The following RABGEF1 variants were observed in gnomAD, a reference collection of about 807,000 sequenced individuals.
RABGEF1 encodes rab5 GDP/GTP exchange factor.
In RABGEF1, 26 loss-of-function variants were observed where a neutral mutation model predicts 57.3. The ratio of observed to expected loss-of-function variants is 0.45; its 90% CI spans 0.33 to 0.63. RABGEF1 has a LOEUF of 0.63. Among genes scored for constraint, RABGEF1 ranks in the 20% least tolerant of loss-of-function variants. RABGEF1 has a pLI of 0.02. For synonymous variants in RABGEF1, 185 were observed against 210.7 expected (o/e 0.88, Z 1.06); for missense variants, 464 against 607.6 (o/e 0.76, Z 2.48).
chr7:66,788,791 T>TA (rs1266349824), intron 4 of RABGEF1, among the ~76,000 whole-genome samples: 3 of 151,910 alleles, frequency 2.0e-5, no homozygotes, highest in Non-Finnish European at 4.4e-5. Context: ...CCGTCTCTAC[T>TA]AAAAATACAA....
At chr7:66,714,185 A>G (rs1795096832) in intron 2 of RABGEF1, among the ~76,000 whole-genome samples, 1 of 152,238 alleles carries the variant, frequency 6.6e-6, no homozygotes, top group East Asian at 1.9e-4. Context: ...TGGAGAAATT[A>G]TCTAGGCCTT....
chr7:66,793,035 TG>T (rs1396996669), intron 4 of RABGEF1, among the ~76,000 whole-genome samples: 1 of 152,206 alleles, frequency 6.6e-6, no homozygotes, highest in Non-Finnish European at 1.5e-5. Flanking sequence ...GGCATTGTAT[TG>T]TAAAATTACA....
At chr7:66,796,954 G>GT in intron 5 of RABGEF1, 1 of 425,774 alleles carries the variant, frequency 2.3e-6, no homozygotes, top group Non-Finnish European at 4.6e-6. Flanking sequence ...TTCTGAGTGT[G>GT]TTTAATTTAT....
At chr7:66,738,566 CA>C (rs546180836), upstream of RABGEF1, among the ~76,000 whole-genome samples, 1 of 151,530 alleles carries the variant, frequency 6.6e-6, no homozygotes. Flanking sequence ...CTTGTCTCTA[CA>C]AAAAAACCCC....
At chr7:66,703,279 A>G (rs1793561915) in intron 1 of RABGEF1, among the ~76,000 whole-genome samples, 1 of 152,010 alleles carries the variant, frequency 6.6e-6, no homozygotes, top group African/African-American at 2.4e-5. Flanking sequence ...GCCTGTATGT[A>G]AGTTTTTTAT....
At chr7:66,759,952 A>C (rs1379240042) in intron 1 of RABGEF1, among the ~76,000 whole-genome samples, 2 of 152,218 alleles carry the variant, frequency 1.3e-5, no homozygotes, top group African/African-American at 4.8e-5. Flanking sequence ...ACCATAAATC[A>C]TACAGTTTGC....
At chr7:66,720,203 T>A (rs969120978) in intron 2 of RABGEF1, among the ~76,000 whole-genome samples, 38 of 144,804 alleles carry the variant, frequency 2.6e-4, no homozygotes, top group Non-Finnish European at 3.7e-4. Context: ...TATTTTTTTT[T>A]TTTTTTCTTT....
intron 2 of RABGEF1, among the ~76,000 whole-genome samples, chr7:66,712,397 C>T (rs1409748864): frequency 6.6e-6 from 1 of 152,232 alleles, no homozygotes; most frequent in Non-Finnish European, 1.5e-5. Context: ...GTTGCTAGCA[C>T]ATAAATACAC....
intron 2 of RABGEF1, among the ~76,000 whole-genome samples, chr7:66,729,602 T>G (rs1272506090): frequency 6.6e-6 from 1 of 150,838 alleles, no homozygotes; most frequent in African/African-American, 2.4e-5. Flanking sequence ...ACCTTTACCT[T>G]CACCTTCACA....
intron 1 of RABGEF1, among the ~76,000 whole-genome samples, chr7:66,758,326 T>C (rs1401005557): frequency 6.6e-6 from 1 of 152,262 alleles, no homozygotes; most frequent in African/African-American, 2.4e-5. Flanking sequence ...TTAGGGTACC[T>C]GGACCTAGAA....
intron 1 of RABGEF1, among the ~76,000 whole-genome samples, chr7:66,698,738 C>G (rs1411709411): frequency 1.3e-5 from 2 of 152,218 alleles, no homozygotes; most frequent in Non-Finnish European, 2.9e-5. Context: ...ACCTGGGTCT[C>G]TGAGTCTCAG....
chr7:66,787,621 A>C (rs574728974), intron 4 of RABGEF1, among the ~76,000 whole-genome samples: 2 of 152,312 alleles, frequency 1.3e-5, no homozygotes, highest in Non-Finnish European at 2.9e-5. Context: ...CCGGGATTAC[A>C]GGATTGAGCC....
At chr7:66,677,761 CAA>C (rs35401177), upstream of RABGEF1, among the ~76,000 whole-genome samples, 45 of 67,452 alleles carry the variant, frequency 6.7e-4, no homozygotes, top group Admixed American at 1.1e-3. Context: ...GACTCCGTCT[CAA>C]AAAAAAAAAA....
At position 66,798,631 on chromosome 7, in the gene RABGEF1, G is replaced by GC. The variant is rs1263102594; in HGVS notation, c.729-689dup. ...ACAGTGATTCAGGCATGGTGGTCCT[G>GC]CCCGTGGCCTCCTATACAAGCTCCA... On this transcript the variant is annotated intron_variant, in intron 6 of 8. Transcript: ENST00000284957. Among the ~76,000 whole-genome samples the GC allele has an allele frequency of 7.2e-5, 11 of 152,276 alleles. No homozygotes were observed. In the South Asian group the frequency reaches 2.3e-3, roughly 32 times the overall value.
intron 2 of RABGEF1, among the ~76,000 whole-genome samples, chr7:66,774,802 C>T (rs1471507160): frequency 1.3e-5 from 2 of 152,194 alleles, no homozygotes; most frequent in Non-Finnish European, 2.9e-5. Flanking sequence ...TTTAAGACCT[C>T]ACCCAAACAT....
upstream of RABGEF1, among the ~76,000 whole-genome samples, chr7:66,679,179 T>C (rs1562682175): frequency 6.6e-6 from 1 of 152,210 alleles, no homozygotes; most frequent in Non-Finnish European, 1.5e-5. Context: ...GTCTTCCCTC[T>C]ATCTGTTCGG....
At chr7:66,719,840 A>G (rs1220200347) in intron 2 of RABGEF1, among the ~76,000 whole-genome samples, 2 of 152,208 alleles carry the variant, frequency 1.3e-5, no homozygotes, top group Admixed American at 6.5e-5. Flanking sequence ...AGGGTTGAGT[A>G]GTTATAGCAG....
intron 2 of RABGEF1, among the ~76,000 whole-genome samples, chr7:66,726,100 C>CA (rs771153727): frequency 7.1e-6 from 1 of 140,544 alleles, no homozygotes; most frequent in Non-Finnish European, 1.6e-5. Flanking sequence ...AGCTGCTACT[C>CA]AGACAGGGCC....
intron 1 of RABGEF1, among the ~76,000 whole-genome samples, chr7:66,696,495 G>A (rs1162041921): frequency 1.3e-5 from 2 of 152,000 alleles, no homozygotes; most frequent in Non-Finnish European, 2.9e-5. Context: ...TTTGAGACCA[G>A]CCTGGCCAAC....
Sources: allele counts gnomAD v4.1 joint callset (sites outside exome capture counted in the v4.1 genomes callset), GRCh38; gene constraint gnomAD v4.1.1; transcripts MANE v1.5; gene names NCBI Gene and HGNC (gene_info 2026-07-23, HGNC 2026-07-21).